Variants in CPE observed in about 807,000 individuals in gnomAD.
The protein encoded by CPE is carboxypeptidase E.
In CPE, 17 loss-of-function variants were observed where a neutral mutation model predicts 53.5. That is an observed-to-expected ratio of 0.32 (90% CI 0.22 to 0.48). CPE has a LOEUF of 0.48. Among genes scored for constraint, CPE ranks in the 20% least tolerant of loss-of-function variants. The probability of loss-of-function intolerance (pLI) is 0.99; values close to 1 mark genes in which losing one functional copy is unlikely to be tolerated. For missense variants in CPE, 524 were observed against 614.7 expected (o/e 0.85, Z 1.56); for synonymous variants, 226 against 228.8 (o/e 0.99, Z 0.11).
intron 2 of CPE, among the ~76,000 whole-genome samples, chr4:165,464,905 C>T (rs1732071908): frequency 6.6e-6 from 1 of 152,074 alleles, no homozygotes; most frequent in South Asian, 2.1e-4. Flanking sequence ...TAAAAATCTA[C>T]AAATATAAAA....
chr4:165,462,275 C>T (rs1732021008), intron 1 of CPE, among the ~76,000 whole-genome samples: 1 of 152,136 alleles, frequency 6.6e-6, no homozygotes, highest in South Asian at 2.1e-4. Flanking sequence ...GCTAGCTAAA[C>T]CAGACATCTG....
In CPE at chr4:165,487,466, C is replaced by G; in HGVS notation, c.1002C>G (p.Ser334Arg). Reference sequence around the variant, plus strand: ...TGCAAGACTTCAATTACCTTAGCAGCAACTGTTTTGAGATCACCGTGGAGC... The same window carrying G: ...TGCAAGACTTCAATTACCTTAGCAGGAACTGTTTTGAGATCACCGTGGAGC... ...GGMQDFNYLS[S>R]NCFEITVELS... Residue 334 changes from serine to arginine, a missense_variant, in exon 6 of 9, where the codon AGC becomes AGG. Ser to Arg is a moderately radical substitution (Grantham distance 110). Coordinates refer to ENST00000402744, the MANE Select transcript of CPE (RefSeq NM_001873.4). 6.2e-7 allele frequency: 1 copy of G among 1,614,068 alleles called. No individual in the cohort carries two copies.
intron 1 of CPE, among the ~76,000 whole-genome samples, chr4:165,435,429 T>C (rs974277288): frequency 1.3e-5 from 2 of 152,222 alleles, no homozygotes; most frequent in Non-Finnish European, 2.9e-5. Flanking sequence ...AGAGCAGATA[T>C]GTAACCAATT....
intron 1 of CPE, among the ~76,000 whole-genome samples, chr4:165,432,786 C>T (rs955951983): frequency 6.6e-6 from 1 of 152,060 alleles, no homozygotes; most frequent in African/African-American, 2.4e-5. Flanking sequence ...TCCATGTGGC[C>T]TAAACAGCGC....
rs540042284 is a variant in CPE at position 165,441,596 on chromosome 4, A to G, written c.308-22794A>G. Reference sequence around the variant, plus strand: ...TTTCCACGAGATCCTGGTTCCAATTACGCCTAATTATTTGTTATGTCCTAT... The same window carrying G: ...TTTCCACGAGATCCTGGTTCCAATTGCGCCTAATTATTTGTTATGTCCTAT... On this transcript the variant is annotated intron_variant, in intron 1 of 8. Transcript: ENST00000402744. 9.2e-5 allele frequency among the ~76,000 whole-genome samples: 14 copies of G among 152,134 alleles called. No individual in the cohort carries two copies. In the South Asian group the frequency reaches 2.7e-3, roughly 29 times the overall value.
chr4:165,379,127 G>GC lies in CPE; in HGVS notation c.-90dup, dbSNP rs1254356757. ...AGTAGAGGCTGGTGCGGAACTTGCCGCCCCCAGCAGCGCCGGCGGGCTAAG... is the reference window on the plus strand; with the variant it reads ...AGTAGAGGCTGGTGCGGAACTTGCCGCCCCCCAGCAGCGCCGGCGGGCTAAG... On this transcript the variant is annotated 5_prime_UTR_variant, in exon 1 of 9. Transcript: ENST00000402744. This position sits in a 1 kb window ranked among gnomAD's most constrained non-coding sequence, Gnocchi z 6.0. The GC allele has an allele frequency of 1.2e-5, 13 of 1,096,864 alleles. No homozygotes were observed. Among genetic ancestry groups the GC allele is most frequent in the East Asian group, 3.6e-5 (1 of 27,440 alleles). 67.9% of individuals were successfully genotyped at this position (1,096,864 alleles called of 1,614,324 possible). A position where few individuals can be genotyped will look rare whatever the true frequency, so the allele number is the denominator to read the frequency against.
At chr4:165,481,081 T>C (rs1184372702) in intron 3 of CPE, among the ~76,000 whole-genome samples, 2 of 147,056 alleles carry the variant, frequency 1.4e-5, no homozygotes, top group African/African-American at 5.0e-5. Context: ...AAAAACAACC[T>C]CCTACTCTAA....
Position 165,497,513 on chromosome 4 carries a change from T to G in CPE, c.1334T>G (p.Val445Gly). ...VAVPYSPAAGVDFELESFSER... is the reference protein window; with the variant it reads ...VAVPYSPAAGGDFELESFSER... ...TATGTTCTTGATTTTCTCTTTTAGG[T>G]TGATTTTGAACTGGAGTCATTTTCT... The change falls in exon 9 of 9, where the codon GTT becomes GGT. Residue 445 changes from valine to glycine, a missense_variant and splice_region_variant. Physicochemically the swap from Val to Gly is moderately radical, Grantham distance 109 (BLOSUM62 -3). Transcript: ENST00000402744. 6.5e-7 allele frequency: 1 copy of G among 1,535,798 alleles called. No individual in the cohort carries two copies. Among genetic ancestry groups the G allele is most frequent in the Non-Finnish European group, 8.8e-7 (1 of 1,142,030 alleles).
chr4:165,496,727 T>G (rs1381595534), intron 8 of CPE, among the ~76,000 whole-genome samples: 2 of 152,128 alleles, frequency 1.3e-5, no homozygotes, highest in Non-Finnish European at 2.9e-5. Context: ...AGAGAGTGGC[T>G]TGGACACATA....
chr4:165,496,613 G>C (rs1437865649), intron 8 of CPE, among the ~76,000 whole-genome samples: 3 of 152,150 alleles, frequency 2.0e-5, no homozygotes, highest in African/African-American at 4.8e-5. Context: ...TTCCATCTGG[G>C]ATGGGGCCTG....
intron 1 of CPE, among the ~76,000 whole-genome samples, chr4:165,433,990 G>T (rs1486788858): frequency 1.3e-5 from 2 of 152,038 alleles, no homozygotes. Context: ...CTGTTTTACG[G>T]TTCCCTGGAA....
At chr4:165,433,604 T>C (rs1228302851) in intron 1 of CPE, among the ~76,000 whole-genome samples, 2 of 152,328 alleles carry the variant, frequency 1.3e-5, no homozygotes, top group Non-Finnish European at 2.9e-5. Flanking sequence ...CTGTGTCAAC[T>C]ACTCAATGCT....
intron 1 of CPE, chr4:165,405,538 A>T (rs1436771361): frequency 1.1e-6 from 1 of 949,226 alleles, no homozygotes; most frequent in African/African-American, 1.6e-5. Flanking sequence ...GTTGCCTGAC[A>T]AATGGAATAG....
chr4:165,497,341 T>C (rs999089568), intron 8 of CPE, among the ~76,000 whole-genome samples, 171 bp from the exon 9 acceptor site: 4 of 152,206 alleles, frequency 2.6e-5, no homozygotes, highest in Non-Finnish European at 5.9e-5. Context: ...TGCTTTTGAA[T>C]TTTTTCCCCC....
chr4:165,464,379 TA>T lies in CPE; in HGVS notation c.308-9del. ...TAGAAAACATCTCCATGCTATCTAT[TA>T]ATCTTTTAGGTGAGCCTGAATTTAA... On this transcript the variant is annotated splice_polypyrimidine_tract_variant and intron_variant, in intron 1 of 8. Transcript: ENST00000402744. 1 of 1,589,066 alleles carries T rather than the reference TA, an allele frequency of 6.3e-7. No individual in the cohort carries two copies. Among genetic ancestry groups the T allele is most frequent in the Non-Finnish European group, 8.6e-7 (1 of 1,166,402 alleles).
In CPE at chr4:165,388,455, A is replaced by G. The variant is rs1290426052; in HGVS notation, c.307+8927A>G. On this transcript the variant is annotated intron_variant, in intron 1 of 8. Coordinates refer to ENST00000402744, the MANE Select transcript of CPE (RefSeq NM_001873.4). Reference sequence around the variant, plus strand: ...TTCAATGTAATTTAGGGACTATTTAATGAACACCTACTATGTCCATGCCAT... The same window carrying G: ...TTCAATGTAATTTAGGGACTATTTAGTGAACACCTACTATGTCCATGCCAT... Among the ~76,000 whole-genome samples the G allele has an allele frequency of 2.0e-5, 3 of 152,244 alleles. No homozygotes were observed. The East Asian group carries it at 5.8e-4, about 29-fold the overall frequency.
chr4:165,445,430 C>T (rs1221686019), intron 1 of CPE, among the ~76,000 whole-genome samples: 8 of 151,930 alleles, frequency 5.3e-5, no homozygotes, highest in African/African-American at 1.9e-4. Flanking sequence ...AAAATTTCTA[C>T]TCCTACCTTC....
At chr4:165,418,920 A>G (rs530793904) in intron 1 of CPE, among the ~76,000 whole-genome samples, 1 of 152,324 alleles carries the variant, frequency 6.6e-6, no homozygotes, top group South Asian at 2.1e-4. Flanking sequence ...TTTGAAAAAA[A>G]TATTATAAAT....
chr4:165,459,389 C>T (rs768404671), intron 1 of CPE, among the ~76,000 whole-genome samples: 44 of 152,096 alleles, frequency 2.9e-4, no homozygotes, highest in Non-Finnish European at 4.6e-4. Context: ...AAACTGGGCC[C>T]AGCCAGGCTG....
Sources: gnomAD v4.1 joint callset for allele counts (sites outside exome capture counted in the v4.1 genomes callset) on GRCh38, gnomAD v4.1.1 for gene constraint, Gnocchi (gnomAD v3.1) non-coding constraint, MANE v1.5 for transcripts, NCBI Gene and HGNC (gene_info 2026-07-23, HGNC 2026-07-21) for gene names.